Variants in FAM200B observed in about 807,000 individuals in gnomAD.
FAM200B encodes the protein protein FAM200B.
In FAM200B, 32 loss-of-function variants were observed where a neutral mutation model predicts 33.1. That is an observed-to-expected ratio of 0.97 (90% CI 0.73 to 1.30). The LOEUF (loss-of-function observed/expected upper bound fraction) is 1.30, where lower values mean the gene tolerates loss of function less well. Among genes scored for constraint, FAM200B ranks in the 50% most tolerant of loss-of-function variants. The pLI is 0.00. For synonymous variants in FAM200B, 240 were observed against 264.8 expected (o/e 0.91, Z 0.91); for missense variants, 741 against 754.0 (o/e 0.98, Z 0.20).
In FAM200B at chr4:15,688,826, A is replaced by C. The variant is rs2148867041; in HGVS notation, c.1849A>C (p.Ile617Leu). The change falls in exon 2 of 2, where the codon ATC becomes CTC. Residue 617 changes from isoleucine to leucine, a missense_variant. Ile to Leu is a conservative substitution (Grantham distance 5). Transcript: ENST00000422728. ...TAGTTTGTGTGAACTAGGGTTTTCC[A>C]TCTTAACGCAGTTAAAAACAAAGGA... is the stretch of plus-strand genomic sequence containing the variant. ...TTSLCELGFS[I>L]LTQLKTKERN... The C allele has an allele frequency of 6.4e-7, 1 of 1,551,544 alleles. No individual in the cohort carries two copies. Among genetic ancestry groups the C allele is most frequent in the Non-Finnish European group, 8.7e-7 (1 of 1,146,866 alleles).
At position 15,687,791 on chromosome 4, in the gene FAM200B, A is replaced by G. The variant is rs1166596393; in HGVS notation, c.814A>G (p.Ile272Val). The G allele has an allele frequency of 1.9e-6, 3 of 1,550,774 alleles. No homozygotes were observed. In the Admixed American group the frequency reaches 5.9e-5, roughly 30 times the overall value. Residue 272 changes from isoleucine to valine, a missense_variant, in exon 2 of 2, where the codon ATT becomes GTT. Ile to Val is a conservative substitution (Grantham distance 29). Transcript: ENST00000422728. Reference sequence around the variant, plus strand: ...AACCTCACACCTAAGTGGATTAGATATTTTTACAGAATTAGAAAGGCGCAT... The same window carrying G: ...AACCTCACACCTAAGTGGATTAGATGTTTTTACAGAATTAGAAAGGCGCAT... Reference protein sequence around the residue: ...NLTSHLSGLDIFTELERRIVG... With the variant: ...NLTSHLSGLDVFTELERRIVG...
the FAM200B span, among the ~76,000 whole-genome samples, chr4:15,654,249 T>C: frequency 2.0e-5 from 3 of 152,214 alleles, no homozygotes; most frequent in Non-Finnish European, 4.4e-5. Context: ...TTGAATGCTT[T>C]ATTTAGTTGG....
the FAM200B span, chr4:15,640,829 A>G: frequency 6.4e-7 from 1 of 1,571,030 alleles, no homozygotes; most frequent in Non-Finnish European, 8.6e-7. Flanking sequence ...TCTCTTGTAA[A>G]AGCCTCCAAT....
chr4:15,650,022 C>A, the FAM200B span, among the ~76,000 whole-genome samples: 3 of 152,162 alleles, frequency 2.0e-5, no homozygotes, highest in Non-Finnish European at 4.4e-5. Context: ...AGAACACTTG[C>A]TCTAAAGCAA....
At position 15,689,795 on chromosome 4, in the gene FAM200B, T is replaced by A. The variant is rs1417150349; in HGVS notation, c.*844T>A. The A allele has an allele frequency of 1.8e-5, 3 of 166,544 alleles. No homozygotes were observed. The highest frequency in any genetic ancestry group is 1.3e-4 in the Admixed American group (2 of 15,278). 10.3% of individuals were successfully genotyped at this position (166,544 alleles called of 1,614,324 possible). On this transcript the variant is annotated 3_prime_UTR_variant, in exon 2 of 2. Coordinates refer to ENST00000422728, the MANE Select transcript of FAM200B (RefSeq NM_001145191.2). ...CTGTCTCGAGAAAATTAAATGTTAC[T>A]TCCCTAAAAAAACCTTTTCTAACCA...
At chr4:15,640,893 A>C in the FAM200B span, 5 of 914,148 alleles carry the variant, frequency 5.5e-6, no homozygotes, top group Admixed American at 3.3e-5. Context: ...TCTGGAAACC[A>C]AAAAAAAAAT....
chr4:15,659,650 G>T, the FAM200B span: 2 of 559,428 alleles, frequency 3.6e-6, no homozygotes, highest in Non-Finnish European at 4.5e-6. Flanking sequence ...GTGTATAGTG[G>T]TCCATAAAGT....
the FAM200B span, among the ~76,000 whole-genome samples, chr4:15,668,088 G>A: frequency 6.0e-5 from 9 of 149,240 alleles, no homozygotes; most frequent in Non-Finnish European, 1.0e-4. Context: ...CAACTTAATC[G>A]AAAAGCCAAT....
rs1297439024 is a variant in FAM200B, at chr4:15,688,112, C to G, written c.1135C>G (p.His379Asp). The G allele has an allele frequency of 1.9e-6, 3 of 1,551,112 alleles. No homozygotes were observed. Among genetic ancestry groups the G allele is most frequent in the Admixed American group, 2.0e-5 (1 of 50,958 alleles). The change falls in exon 2 of 2, where the codon CAC becomes GAC. Residue 379 changes from histidine (H) to aspartate (D), a missense_variant. Physicochemically the swap from His to Asp is moderately conservative, Grantham distance 81. Coordinates refer to ENST00000422728, the MANE Select transcript of FAM200B (RefSeq NM_001145191.2). ...FCSEIGTNHT[H>D]LLYHTKIRWL... ...TTCAGAGATTGGAACTAATCATACC[C>G]ACTTACTATATCATACCAAAATTCG...
chr4:15,637,408 T>C, the FAM200B span, among the ~76,000 whole-genome samples: 2 of 152,182 alleles, frequency 1.3e-5, no homozygotes, highest in Admixed American at 6.5e-5. Flanking sequence ...CAATAAAAAA[T>C]ATAAAAGATT....
the FAM200B span, among the ~76,000 whole-genome samples, chr4:15,665,760 CA>C: frequency 5.7e-4 from 86 of 152,126 alleles, no homozygotes; most frequent in East Asian, 0.015. Flanking sequence ...GCCCCCAGTC[CA>C]AAATTCTTAA....
chr4:15,655,399 C>T, the FAM200B span: 5 of 1,025,024 alleles, frequency 4.9e-6, no homozygotes, highest in South Asian at 1.4e-4. Context: ...GCCCCGTCGG[C>T]GCGCGCGCCC....
At chr4:15,656,081 C>G in the FAM200B span, 65 of 429,624 alleles carry the variant, frequency 1.5e-4, no homozygotes, top group Non-Finnish European at 2.5e-4. Flanking sequence ...AAATGCACCT[C>G]AAGTGCAGGA....
At chr4:15,637,746 T>C in the FAM200B span, among the ~76,000 whole-genome samples, 31 of 152,292 alleles carry the variant, frequency 2.0e-4, no homozygotes, top group African/African-American at 7.2e-4. Flanking sequence ...AAAATTATTT[T>C]AGTTTCAACA....
At position 15,688,234 on chromosome 4, in the gene FAM200B, T is replaced by A; in HGVS notation, c.1257T>A (p.Ile419=). 6.5e-7 allele frequency: 1 copy of A among 1,549,996 alleles called. No individual in the cohort carries two copies. The highest frequency in any genetic ancestry group is 8.7e-7 in the Non-Finnish European group (1 of 1,145,676). ...LIEKKSHLAS[I]FEDDTWVTKL... ...AAAAAAAATCTCATTTGGCAAGTAT[T>A]TTTGAAGATGATACTTGGGTAACAA... The change falls in exon 2 of 2, where the codon ATT becomes ATA. Residue 419 remains isoleucine (I), a synonymous_variant. Coordinates refer to ENST00000422728, the MANE Select transcript of FAM200B (RefSeq NM_001145191.2).
the FAM200B span, among the ~76,000 whole-genome samples, chr4:15,646,612 T>C: frequency 2.0e-5 from 3 of 152,216 alleles, no homozygotes; most frequent in Admixed American, 6.5e-5. Flanking sequence ...TTGTTACATA[T>C]GTATACATGT....
At chr4:15,646,383 A>G in the FAM200B span, among the ~76,000 whole-genome samples, 2 of 151,906 alleles carry the variant, frequency 1.3e-5, no homozygotes, top group East Asian at 1.9e-4. Context: ...TTTTTAAATC[A>G]TAAGAAATGC....
At position 15,690,177 on chromosome 4, in the gene FAM200B, C is replaced by T. The variant is rs1407391718; in HGVS notation, c.*1226C>T. ...CCATCCAGAAACGGCATTGATGTTGCTTCACGTTGCTGATGCTTAAGCAAT... is the reference window on the plus strand; with the variant it reads ...CCATCCAGAAACGGCATTGATGTTGTTTCACGTTGCTGATGCTTAAGCAAT... On this transcript the variant is annotated 3_prime_UTR_variant, in exon 2 of 2. Transcript: ENST00000422728. 6.0e-6 allele frequency: 1 copy of T among 167,110 alleles called. No individual in the cohort carries two copies. Among genetic ancestry groups the T allele is most frequent in the Non-Finnish European group, 1.5e-5 (1 of 68,128 alleles). The allele number at this position is 167,110 out of a possible 1,614,324, so 10.4% of individuals were successfully genotyped here.
At chr4:15,673,591 T>C in the FAM200B span, among the ~76,000 whole-genome samples, 4 of 152,232 alleles carry the variant, frequency 2.6e-5, no homozygotes, top group Non-Finnish European at 5.9e-5. Context: ...AAGTCTATCA[T>C]TGAACAAAAT....
Sources: gnomAD v4.1 joint callset for allele counts (sites outside exome capture counted in the v4.1 genomes callset) on GRCh38, gnomAD v4.1.1 for gene constraint, MANE v1.5 for transcripts, NCBI Gene and HGNC (gene_info 2026-07-23, HGNC 2026-07-21) for gene names.